Variants in CNTNAP3B observed in about 807,000 individuals in gnomAD.
CNTNAP3B encodes contactin associated protein family member 3B.
CNTNAP3B carries 25 observed loss-of-function variants against 108.9 expected under a neutral mutation model. That is an observed-to-expected ratio of 0.23 (90% CI 0.17 to 0.32). The LOEUF is 0.32. Ranked by LOEUF, CNTNAP3B falls within the 10% of genes least tolerant of loss-of-function variation. The probability of loss-of-function intolerance (pLI) is 1.00; values close to 1 mark genes in which losing one functional copy is unlikely to be tolerated. For synonymous variants in CNTNAP3B, 103 were observed against 473.4 expected, an observed-to-expected ratio of 0.22 and a Z score of 10.16; for missense variants, 252 against 1,210.4, an observed-to-expected ratio of 0.21 and a Z score of 11.75.
At chr9:41,944,515 A>G (rs1325450877) in intron 13 of CNTNAP3B, among the ~76,000 whole-genome samples, 1 of 152,292 alleles carries the variant, frequency 6.6e-6, no homozygotes, top group Non-Finnish European at 1.5e-5. Context: ...CTCAAAGGCT[A>G]CCACTAAAAC....
intron 14 of CNTNAP3B, among the ~76,000 whole-genome samples, chr9:41,935,760 A>G (rs1200164559): frequency 2.6e-5 from 4 of 152,276 alleles, no homozygotes; most frequent in African/African-American, 7.2e-5. Flanking sequence ...TGACTCCACA[A>G]TGCTCCCTTC....
chr9:41,925,824 G>C (rs1823803165), intron 15 of CNTNAP3B, among the ~76,000 whole-genome samples: 1 of 152,264 alleles, frequency 6.6e-6, no homozygotes, highest in East Asian at 1.9e-4. Context: ...ATAACAAAAT[G>C]ATCCAGGCTC....
intron 9 of CNTNAP3B, among the ~76,000 whole-genome samples, chr9:41,976,866 G>A (rs1215752087): frequency 4.5e-5 from 6 of 133,104 alleles, no homozygotes; most frequent in Admixed American, 3.0e-4. Flanking sequence ...GCTGCAGTGA[G>A]CTGTGATTGC....
At chr9:41,930,064 A>C (rs1363553529) in intron 14 of CNTNAP3B, among the ~76,000 whole-genome samples, 1 of 152,300 alleles carries the variant, frequency 6.6e-6, no homozygotes, top group Non-Finnish European at 1.5e-5. Context: ...ATTTTGCAGA[A>C]TATTAATTTA....
chr9:42,079,598 T>C (rs1827569098), intron 2 of CNTNAP3B, among the ~76,000 whole-genome samples: 1 of 133,086 alleles, frequency 7.5e-6, no homozygotes, highest in Non-Finnish European at 1.6e-5. Flanking sequence ...CTCTGCTCAC[T>C]GCAACCTCCA....
At chr9:42,098,418 A>C (rs1827953428) in intron 2 of CNTNAP3B, among the ~76,000 whole-genome samples, 1 of 4,432 alleles carries the variant, frequency 2.3e-4, no homozygotes, top group East Asian at 0.012. Context: ...CTAAAAATAC[A>C]AAAAAAAAAA....
intron 13 of CNTNAP3B, among the ~76,000 whole-genome samples, chr9:41,952,533 G>A (rs1453240461): frequency 2.6e-5 from 4 of 152,238 alleles, no homozygotes; most frequent in Non-Finnish European, 5.9e-5. Context: ...TGGGGATTCC[G>A]GAAAGGAGGG....
Position 41,917,048 on chromosome 9 carries a change from A to T in CNTNAP3B, c.2995+3022T>A, listed in dbSNP as rs1462907265. 6.6e-5 allele frequency among the ~76,000 whole-genome samples: 10 copies of T among 152,388 alleles called. No individual in the cohort carries two copies. In the East Asian group the frequency reaches 1.7e-3, roughly 26 times the overall value. ...TCTTTGTGTCATCTGTATTTCACTG[A>T]GCTTCTGTATCTTAGATTAATGATT... On this transcript the variant is annotated intron_variant, in intron 18 of 23. Transcript: ENST00000377561.
intron 14 of CNTNAP3B, among the ~76,000 whole-genome samples, chr9:41,936,539 AT>A (rs1248284582): frequency 2.0e-5 from 3 of 152,260 alleles, no homozygotes; most frequent in African/African-American, 7.2e-5. Flanking sequence ...CCGTCAAAAG[AT>A]TTGAAGGTCG....
At chr9:42,080,455 G>C (rs1454577236) in intron 2 of CNTNAP3B, among the ~76,000 whole-genome samples, 2 of 138,810 alleles carry the variant, frequency 1.4e-5, no homozygotes, top group African/African-American at 5.7e-5. Context: ...TTAATTAAAC[G>C]CTGAGTGGAA....
Position 42,120,870 on chromosome 9 carries a change from T to G in CNTNAP3B, c.85+8140A>C, listed in dbSNP as rs527720839. Among the ~76,000 whole-genome samples the G allele has an allele frequency of 5.2e-5, 7 of 133,646 alleles. No homozygotes were observed. The South Asian group carries it at 1.3e-3, about 24-fold the overall frequency. The allele number at this position is 133,646 out of a possible 152,430, so 87.7% of individuals were successfully genotyped here. ...ATAGCATTAGGAGATATACCTAATG[T>G]AAATGACAAGTTAATGGGTGCAGCA... is the stretch of plus-strand genomic sequence containing the variant. On this transcript the variant is annotated intron_variant, in intron 1 of 23. Transcript: ENST00000377561.
chr9:41,967,739 T>A (rs1202571938), intron 10 of CNTNAP3B, among the ~76,000 whole-genome samples: 1 of 152,294 alleles, frequency 6.6e-6, no homozygotes, highest in African/African-American at 2.4e-5. Context: ...TTTATAAAAT[T>A]CAGGTTTTCA....
At position 42,108,152 on chromosome 9, in the gene CNTNAP3B, C is replaced by T. The variant is rs1223148560; in HGVS notation, c.86-3413G>A. ...AGAGGGGAAAACACAGTGGGCACCC[C>T]ACAAGTGTTACAGGGGCTGGATCTC... On this transcript the variant is annotated intron_variant, in intron 1 of 23. Coordinates refer to ENST00000377561, the MANE Select transcript of CNTNAP3B (RefSeq NM_001201380.3). Among the ~76,000 whole-genome samples, 2 of 137,730 alleles carry T rather than the reference C, an allele frequency of 1.5e-5. 1 individual carries two copies. The highest frequency in any genetic ancestry group is 3.1e-5 in the Non-Finnish European group (2 of 64,582). The allele number at this position is 137,730 out of a possible 152,430, so 90.4% of individuals were successfully genotyped here.
intron 1 of CNTNAP3B, among the ~76,000 whole-genome samples, chr9:42,109,299 T>G (rs200399445): frequency 0.054 from 7,222 of 132,892 alleles, 22 homozygotes; most frequent in South Asian, 0.11. Context: ...GGAAGCATCT[T>G]AATTGCTTAG....
At position 42,079,472 on chromosome 9, in the gene CNTNAP3B, C is replaced by T. The variant is rs1827566269; in HGVS notation, c.197-2410G>A. On this transcript the variant is annotated intron_variant, in intron 2 of 23. Transcript: ENST00000377561. ...TACAACACTACTGAAACTGTGTATC[C>T]TTTTCTGTTTTTCTTATTACTATTT... 2.5e-5 allele frequency among the ~76,000 whole-genome samples: 3 copies of T among 119,598 alleles called. No homozygotes were observed. In the Admixed American group the frequency reaches 2.6e-4, roughly 10 times the overall value. The allele number at this position is 119,598 out of a possible 152,430, so 78.5% of individuals were successfully genotyped here.
At chr9:41,986,729 ATT>A (rs1587176816) in intron 8 of CNTNAP3B, among the ~76,000 whole-genome samples, 1 of 149,498 alleles carries the variant, frequency 6.7e-6, no homozygotes, top group East Asian at 2.0e-4. Context: ...GTCAAGAATG[ATT>A]GTGAAAAGGT....
intron 3 of CNTNAP3B, among the ~76,000 whole-genome samples, chr9:42,054,166 C>CAT (rs1368706616): frequency 2.2e-5 from 2 of 91,454 alleles, no homozygotes; most frequent in South Asian, 3.3e-4. Flanking sequence ...CACTTCTGTG[C>CAT]GTGTGTGTGT....
chr9:42,033,722 C>T (rs1031732908), intron 3 of CNTNAP3B, among the ~76,000 whole-genome samples: 1 of 31,208 alleles, frequency 3.2e-5, no homozygotes, highest in South Asian at 9.7e-4. Flanking sequence ...AGGATGAGAG[C>T]GCTGCTTGTT....
intron 14 of CNTNAP3B, among the ~76,000 whole-genome samples, chr9:41,932,063 T>A (rs1323470793): frequency 6.6e-6 from 1 of 151,860 alleles, no homozygotes; most frequent in Non-Finnish European, 1.5e-5. Flanking sequence ...TTTCACCAGT[T>A]TCTTATTGTT....
Sources: allele counts gnomAD v4.1 joint callset (sites outside exome capture counted in the v4.1 genomes callset), GRCh38; gene constraint gnomAD v4.1.1; transcripts MANE v1.5; gene names NCBI Gene and HGNC (gene_info 2026-07-23, HGNC 2026-07-21).